BLZF1: variants seen among roughly 807,000 people sequenced by gnomAD.
BLZF1 encodes basic leucine zipper nuclear factor 1.
BLZF1 carries 39 observed loss-of-function variants against 43.8 expected under a neutral mutation model. That is an observed-to-expected ratio of 0.89 (90% confidence interval 0.69 to 1.16). BLZF1 has a LOEUF of 1.16. Ranked by LOEUF, BLZF1 falls within the 50% of genes most tolerant of loss-of-function variation. The pLI is 0.00. For missense variants in BLZF1, 449 were observed against 469.8 expected, an observed-to-expected ratio of 0.96 and a Z score of 0.41; for synonymous variants, 136 against 159.4, an observed-to-expected ratio of 0.85 and a Z score of 1.11.
intron 6 of BLZF1, among the ~76,000 whole-genome samples, chr1:169,385,489 T>C (rs1171966707): frequency 2.0e-5 from 3 of 152,220 alleles, no homozygotes; most frequent in African/African-American, 7.2e-5. Flanking sequence ...TTTCTGTTCA[T>C]ATTAGTGGGT....
At chr1:169,383,347 A>G (rs950322555) in intron 6 of BLZF1, among the ~76,000 whole-genome samples, 2 of 152,092 alleles carry the variant, frequency 1.3e-5, no homozygotes, top group Non-Finnish European at 1.5e-5. Context: ...TTCACCCTCA[A>G]CAGTTATTCC....
chr1:169,390,575 A>C (rs1297105105), downstream of BLZF1, among the ~76,000 whole-genome samples: 1 of 152,290 alleles, frequency 6.6e-6, no homozygotes, highest in Non-Finnish European at 1.5e-5. Context: ...CTAGAAAGAC[A>C]TGTATTAGTC....
chr1:169,380,584 C>G lies in BLZF1; in HGVS notation c.772C>G (p.Arg258Gly), dbSNP rs138245508. Residue 258 changes from arginine (R) to glycine (G), a missense_variant, in exon 5 of 7, where the codon CGT becomes GGT. Transcript: ENST00000367808. Reference protein sequence around the residue: ...QDLLSEREQFRQEMIATQKLL... With the variant: ...QDLLSEREQFGQEMIATQKLL... Reference sequence around the variant, plus strand: ...TCTCCTAAGTGAACGGGAACAGTTTCGTCAAGAAATGATAGCTACCCAGAA... The same window carrying G: ...TCTCCTAAGTGAACGGGAACAGTTTGGTCAAGAAATGATAGCTACCCAGAA... 1.2e-6 allele frequency: 2 copies of G among 1,612,680 alleles called. No homozygotes were observed. Among genetic ancestry groups the G allele is most frequent in the African/African-American group, 1.3e-5 (1 of 74,954 alleles).
downstream of BLZF1, among the ~76,000 whole-genome samples, chr1:169,391,572 C>T (rs536675309): frequency 2.0e-5 from 3 of 152,228 alleles, no homozygotes; most frequent in Admixed American, 6.5e-5. Context: ...TTTCTGCAAC[C>T]GGTTACAGGG....
At chr1:169,392,185 G>A (rs913423971), downstream of BLZF1, among the ~76,000 whole-genome samples, 89 of 152,142 alleles carry the variant, frequency 5.8e-4, no homozygotes, top group African/African-American at 1.9e-3. Context: ...GCAGTCTACA[G>A]ATTCACTGAG....
chr1:169,369,254 C>T (rs984996696), intron 1 of BLZF1, among the ~76,000 whole-genome samples: 1 of 149,262 alleles, frequency 6.7e-6, no homozygotes, highest in Non-Finnish European at 1.5e-5. Flanking sequence ...GATGGTGAAA[C>T]GGAGTATTTA....
intron 2 of BLZF1, among the ~76,000 whole-genome samples, 191 bp from the exon 3 acceptor site, chr1:169,376,349 G>A (rs1279448125): frequency 6.6e-6 from 1 of 152,020 alleles, no homozygotes; most frequent in African/African-American, 2.4e-5. Flanking sequence ...CAAATCTCTT[G>A]TCTACTGAAG....
chr1:169,382,653 CACATATAGATGGAAA>C (rs1409942398), intron 6 of BLZF1, among the ~76,000 whole-genome samples: 1 of 151,996 alleles, frequency 6.6e-6, no homozygotes, highest in Non-Finnish European at 1.5e-5. Context: ...ACTTAATTTC[CACATATAGATGGAAA>C]TGTATCAAAT....
chr1:169,380,026 G>A (rs1427780013), intron 4 of BLZF1, among the ~76,000 whole-genome samples: 2 of 151,688 alleles, frequency 1.3e-5, no homozygotes, highest in African/African-American at 2.4e-5. Flanking sequence ...GCATATAAAA[G>A]GATAGGTATG....
chr1:169,383,317 C>A (rs1654578926), intron 6 of BLZF1, among the ~76,000 whole-genome samples: 1 of 151,956 alleles, frequency 6.6e-6, no homozygotes, highest in Non-Finnish European at 1.5e-5. Flanking sequence ...CCTAAGCATA[C>A]CTCCCCTCTA....
In BLZF1 at chr1:169,394,814, C is replaced by T. The variant is rs570409767; in HGVS notation, c.*28-1080C>T. On this transcript the variant is annotated intron_variant, in intron 7 of 7. Coordinates refer to the BLZF1 transcript ENST00000329281. ...ATAAAATAATTTAGAAGTAGAAGGA[C>T]ATAGAATTCATTCGTTGTTCAATTT... 29 of 329,500 alleles carry T rather than the reference C, an allele frequency of 8.8e-5. 1 individual carries two copies. The South Asian group carries it at 3.4e-3, about 39-fold the overall frequency. The allele number at this position is 329,500 out of a possible 1,614,324, so 20.4% of individuals were successfully genotyped here. A position where few individuals can be genotyped will look rare whatever the true frequency, so the allele number is the denominator to read the frequency against.
intron 1 of BLZF1, among the ~76,000 whole-genome samples, 160 bp from the exon 2 acceptor site, chr1:169,369,313 A>G (rs917607478): frequency 3.3e-5 from 5 of 152,038 alleles, no homozygotes; most frequent in Non-Finnish European, 4.4e-5. Flanking sequence ...AGTAGACATA[A>G]CAATGCCTTC....
chr1:169,391,247 G>A (rs558857921), downstream of BLZF1, among the ~76,000 whole-genome samples: 1 of 152,308 alleles, frequency 6.6e-6, no homozygotes, highest in Non-Finnish European at 1.5e-5. Flanking sequence ...TAGGCTCCCA[G>A]CATACCATTC....
At chr1:169,395,295 G>C in intron 7 of BLZF1, 1 of 1,164,438 alleles carries the variant, frequency 8.6e-7, no homozygotes, top group Non-Finnish European at 1.1e-6. Context: ...CAAAATAAAT[G>C]GACATTTCTT....
chr1:169,384,126 C>G (rs574670512), intron 6 of BLZF1, among the ~76,000 whole-genome samples: 17 of 152,144 alleles, frequency 1.1e-4, no homozygotes, highest in African/African-American at 3.6e-4. Context: ...TTCCTGTATT[C>G]CCTATCTTGA....
Position 169,375,393 on chromosome 1 carries a change from C to CATATATATATATAT in BLZF1, c.29-1122_29-1109dup, listed in dbSNP as rs58679820. 4.2e-3 allele frequency among the ~76,000 whole-genome samples: 357 copies of CATATATATATATAT among 85,770 alleles called. 17 individuals are homozygous for CATATATATATATAT. The highest frequency in any genetic ancestry group is 8.0e-3 in the African/African-American group (166 of 20,746). The allele number at this position is 85,770 out of a possible 152,430, so 56.3% of individuals were successfully genotyped here. A position where few individuals can be genotyped will look rare whatever the true frequency, so the allele number is the denominator to read the frequency against. Reference sequence around the variant, plus strand: ...ACATATAAAACATATATATATAAAACATATATATATATATATATATATATA... The same window carrying CATATATATATATAT: ...ACATATAAAACATATATATATAAAACATATATATATATATATATATATATATATATATATATATA... On this transcript the variant is annotated intron_variant, in intron 2 of 6. Coordinates refer to ENST00000367808, the MANE Select transcript of BLZF1 (RefSeq NM_001320973.2).
At position 169,378,503 on chromosome 1, in the gene BLZF1, A is replaced by T; in HGVS notation, c.642A>T (p.Val214=). Reference sequence around the variant, plus strand: ...AACGTATGTCAATACAGTGTGATGTATGGCGAAGTAAATTCCTTGCAAGCA... The same window carrying T: ...AACGTATGTCAATACAGTGTGATGTTTGGCGAAGTAAATTCCTTGCAAGCA... ...QLERMSIQCD[V]WRSKFLASRV... is the part of the protein sequence containing the mutation. Residue 214 remains valine, a synonymous_variant, in exon 4 of 7, where the codon GTA becomes GTT. Coordinates refer to ENST00000367808, the MANE Select transcript of BLZF1 (RefSeq NM_001320973.2). The T allele has an allele frequency of 6.2e-7, 1 of 1,612,514 alleles. No homozygotes were observed. Among genetic ancestry groups the T allele is most frequent in the Non-Finnish European group, 8.5e-7 (1 of 1,178,862 alleles).
chr1:169,391,313 G>T (rs1010296144), downstream of BLZF1, among the ~76,000 whole-genome samples: 2 of 152,182 alleles, frequency 1.3e-5, no homozygotes, highest in African/African-American at 4.8e-5. Flanking sequence ...ACCCAGCATT[G>T]TAAGGGTTGT....
At chr1:169,372,877 A>G (rs946616166) in intron 2 of BLZF1, among the ~76,000 whole-genome samples, 1 of 152,160 alleles carries the variant, frequency 6.6e-6, no homozygotes, top group African/African-American at 2.4e-5. Flanking sequence ...AATATCTGCA[A>G]TCAGTTTGAT....
Sources: gnomAD v4.1 joint callset for allele counts (sites outside exome capture counted in the v4.1 genomes callset) on GRCh38, gnomAD v4.1.1 for gene constraint, MANE v1.5 for transcripts, NCBI Gene and HGNC (gene_info 2026-07-23, HGNC 2026-07-21) for gene names.